Variants in NTM observed in about 807,000 individuals in gnomAD.
NTM encodes the protein neurotrimin.
A neutral mutation model predicts 42.1 loss-of-function variants in NTM; 13 were observed. The observed-to-expected ratio is 0.31, with a 90% confidence interval of 0.20 to 0.49. The LOEUF is 0.49. Ranked by LOEUF, NTM falls within the 20% of genes least tolerant of loss-of-function variation. NTM has a pLI of 0.99. For missense variants in NTM, 373 were observed against 452.8 expected, an observed-to-expected ratio of 0.82 and a Z score of 1.60; for synonymous variants, 187 against 179.2, an observed-to-expected ratio of 1.04 and a Z score of -0.35.
intron 1 of NTM, among the ~76,000 whole-genome samples, chr11:131,740,044 A>G (rs931983206): frequency 1.3e-5 from 2 of 152,212 alleles, no homozygotes; most frequent in African/African-American, 4.8e-5. Flanking sequence ...CTGACACTTT[A>G]CTGCGCAGAT....
rs187686797 is a variant in NTM, at chr11:131,795,773, C to A, written c.83-115791C>A. 11 of 985,334 alleles carry A rather than the reference C, an allele frequency of 1.1e-5. No homozygotes were observed. In the East Asian group the frequency reaches 8.0e-4, roughly 71 times the overall value. The allele number at this position is 985,334 out of a possible 1,614,324, so 61.0% of individuals were successfully genotyped here. Reference sequence around the variant, plus strand: ...AGGTCATGATACTGCCTTGTGGGAGCAGTTGACTGGGGTTGGGGGGTGGTG... The same window carrying A: ...AGGTCATGATACTGCCTTGTGGGAGAAGTTGACTGGGGTTGGGGGGTGGTG... On this transcript the variant is annotated intron_variant, in intron 1 of 8. Coordinates refer to ENST00000683400, the MANE Select transcript of NTM (RefSeq NM_001352005.2).
chr11:131,620,086 A>T (rs1441243617), intron 1 of NTM, among the ~76,000 whole-genome samples: 3 of 152,196 alleles, frequency 2.0e-5, no homozygotes, highest in African/African-American at 7.2e-5. Context: ...TATAGGCATG[A>T]GCCACTGCAC....
intron 8 of NTM, 56 bp downstream of exon 8, chr11:132,330,241 C>G (rs367968811): frequency 1.1e-5 from 17 of 1,517,286 alleles, no homozygotes; most frequent in Admixed American, 2.0e-5. Context: ...ATGTAAAACT[C>G]TTCACCTTCC....
chr11:131,627,227 AT>A lies in NTM; in HGVS notation c.82+256347del, dbSNP rs952030291. ...TAAAGCAGGCGGCTTTTATTTATTT[AT>A]TTTTTTTGTGGGTTTGGGGGTATGG... On this transcript the variant is annotated intron_variant, in intron 1 of 8. Coordinates refer to ENST00000683400, the MANE Select transcript of NTM (RefSeq NM_001352005.2). Among the ~76,000 whole-genome samples, 658 of 148,660 alleles carry A rather than the reference AT, an allele frequency of 4.4e-3. 7 individuals are homozygous for A. The highest frequency in any genetic ancestry group is 0.015 in the African/African-American group (612 of 39,698).
chr11:132,065,341 G>A (rs941285470), intron 2 of NTM, among the ~76,000 whole-genome samples: 1 of 152,072 alleles, frequency 6.6e-6, no homozygotes, highest in African/African-American at 2.4e-5. Context: ...CTAGTTTTCT[G>A]TCTCCTCAAA....
chr11:131,868,153 T>C (rs190435577), intron 1 of NTM, among the ~76,000 whole-genome samples: 1 of 152,298 alleles, frequency 6.6e-6, no homozygotes, highest in East Asian at 1.9e-4. Context: ...AATTTTAAAG[T>C]CTGGATAAAC....
At chr11:131,568,264 G>A (rs1285480528) in intron 1 of NTM, among the ~76,000 whole-genome samples, 1 of 152,186 alleles carries the variant, frequency 6.6e-6, no homozygotes, top group Non-Finnish European at 1.5e-5. Flanking sequence ...CTCAGTCCTG[G>A]ACTATACCTC....
rs1454860537 is a variant in NTM, at chr11:132,318,816, C to T, written c.934+4113C>T. Among the ~76,000 whole-genome samples the T allele has an allele frequency of 2.0e-5, 3 of 152,036 alleles. No individual in the cohort carries two copies. In the East Asian group the frequency reaches 5.8e-4, roughly 29 times the overall value. On this transcript the variant is annotated intron_variant, in intron 7 of 8. Coordinates refer to ENST00000683400, the MANE Select transcript of NTM (RefSeq NM_001352005.2). ...TTCATCCCCTCACATTCTGGCCTTG[C>T]AAACTGTCATCAGAGGATGGCTGTA...
intron 3 of NTM, among the ~76,000 whole-genome samples, chr11:132,160,542 G>A (rs758971544): frequency 6.6e-6 from 1 of 152,202 alleles, no homozygotes; most frequent in African/African-American, 2.4e-5. Context: ...CTATGAGCCA[G>A]GCATCACGCT....
intron 4 of NTM, among the ~76,000 whole-genome samples, chr11:132,260,924 C>A (rs1591593713): frequency 1.3e-5 from 2 of 152,138 alleles, no homozygotes; most frequent in African/African-American, 4.8e-5. Context: ...ACTTGTAGAC[C>A]TACTTTCTTT....
intron 2 of NTM, among the ~76,000 whole-genome samples, chr11:131,923,843 C>T (rs2057565667): frequency 6.6e-6 from 1 of 152,178 alleles, no homozygotes; most frequent in Admixed American, 6.5e-5. Context: ...GGAGCCCGAC[C>T]CTCCTCCCAT....
At position 132,317,699 on chromosome 11, in the gene NTM, C is replaced by A. The variant is rs1565467306; in HGVS notation, c.934+2996C>A. 3 of 1,301,622 alleles carry A rather than the reference C, an allele frequency of 2.3e-6. 1 individual carries two copies. In the South Asian group the frequency reaches 3.7e-5, roughly 16 times the overall value. 80.6% of individuals were successfully genotyped at this position (1,301,622 alleles called of 1,614,324 possible). A position where few individuals can be genotyped will look rare whatever the true frequency, so the allele number is the denominator to read the frequency against. ...CTCAACTTTGTTGCAAGGTCAGTAT[C>A]TTCCTTGCTTTATGTTTTGTCTCCC... On this transcript the variant is annotated intron_variant, in intron 7 of 8. Coordinates refer to ENST00000683400, the MANE Select transcript of NTM (RefSeq NM_001352005.2).
chr11:132,135,110 C>A (rs779501810), intron 2 of NTM, among the ~76,000 whole-genome samples: 4 of 152,170 alleles, frequency 2.6e-5, no homozygotes, highest in Non-Finnish European at 4.4e-5. Flanking sequence ...TGTGTCCCCT[C>A]ACCCCTGTGT....
At chr11:132,295,880 T>A (rs2094592012) in intron 4 of NTM, among the ~76,000 whole-genome samples, 1 of 151,956 alleles carries the variant, frequency 6.6e-6, no homozygotes. Flanking sequence ...ATGGGAGGCG[T>A]GGAGACTCAT....
At chr11:132,116,697 T>G (rs1377672546) in intron 2 of NTM, among the ~76,000 whole-genome samples, 1 of 152,212 alleles carries the variant, frequency 6.6e-6, no homozygotes, top group Admixed American at 6.5e-5. Flanking sequence ...GAAATTGTGA[T>G]ATGCCATGGA....
At chr11:132,051,607 C>G (rs1033744354) in intron 2 of NTM, among the ~76,000 whole-genome samples, 1 of 152,218 alleles carries the variant, frequency 6.6e-6, no homozygotes, top group Non-Finnish European at 1.5e-5. Context: ...ACCAGCAGCC[C>G]CTAATGATGG....
chr11:131,750,442 G>A (rs1393884000), intron 1 of NTM, among the ~76,000 whole-genome samples: 1 of 152,142 alleles, frequency 6.6e-6, no homozygotes, highest in Non-Finnish European at 1.5e-5. Flanking sequence ...ACAGTTACTG[G>A]AGCCACTGCA....
intron 2 of NTM, among the ~76,000 whole-genome samples, chr11:131,954,869 TTC>T (rs1230320824): frequency 1.3e-5 from 2 of 152,224 alleles, no homozygotes; most frequent in African/African-American, 4.8e-5. Context: ...ATACACATCT[TTC>T]TGTTTCATTA....
chr11:131,769,342 T>C (rs1421111284), intron 1 of NTM, among the ~76,000 whole-genome samples: 1 of 152,088 alleles, frequency 6.6e-6, no homozygotes, highest in Non-Finnish European at 1.5e-5. Context: ...CTCTTTCAAT[T>C]AGGGAGAAAA....
Sources: allele counts gnomAD v4.1 joint callset (sites outside exome capture counted in the v4.1 genomes callset), GRCh38; gene constraint gnomAD v4.1.1; transcripts MANE v1.5; gene names NCBI Gene and HGNC (gene_info 2026-07-23, HGNC 2026-07-21).